PTDSS1: variants seen among roughly 807,000 people sequenced by gnomAD.
PTDSS1 encodes the protein PSS-1.
A neutral mutation model predicts 70.5 loss-of-function variants in PTDSS1; 45 were observed. The ratio of observed to expected loss-of-function variants is 0.64; its 90% CI spans 0.50 to 0.82. PTDSS1 has a LOEUF of 0.82. PTDSS1 is among the 40% of genes least tolerant of loss of function. The pLI, the probability that PTDSS1 is intolerant of heterozygous loss-of-function variation, is 0.00. For missense variants in PTDSS1, 417 were observed against 586.1 expected, an observed-to-expected ratio of 0.71 and a Z score of 2.98; for synonymous variants, 188 against 203.8, an observed-to-expected ratio of 0.92 and a Z score of 0.66.
At chr8:96,323,983 C>G (rs1811406160) in intron 10 of PTDSS1, among the ~76,000 whole-genome samples, 1 of 152,180 alleles carries the variant, frequency 6.6e-6, no homozygotes, top group Admixed American at 6.6e-5. Context: ...GAATGCTTTG[C>G]TGCTTGGCTG....
chr8:96,330,734 C>T (rs969188540), intron 11 of PTDSS1: 8 of 422,520 alleles, frequency 1.9e-5, no homozygotes, highest in Non-Finnish European at 3.0e-5. Context: ...ACACGATGGC[C>T]GTCTGGTAGA....
chr8:96,293,651 T>C (rs1158210861), intron 4 of PTDSS1, among the ~76,000 whole-genome samples: 1 of 152,252 alleles, frequency 6.6e-6, no homozygotes, highest in African/African-American at 2.4e-5. Flanking sequence ...AATAGACGGA[T>C]TGGTCTTTAT....
intron 9 of PTDSS1, among the ~76,000 whole-genome samples, chr8:96,319,349 A>G (rs965306440): frequency 1.3e-5 from 2 of 152,188 alleles, no homozygotes; most frequent in African/African-American, 4.8e-5. Flanking sequence ...CTCATGGCCA[A>G]CTATGTCAAC....
At chr8:96,320,022 C>T (rs1811352054) in intron 9 of PTDSS1, among the ~76,000 whole-genome samples, 1 of 152,092 alleles carries the variant, frequency 6.6e-6, no homozygotes, top group South Asian at 2.1e-4. Context: ...TTATGAGTCA[C>T]AATTTCGGTC....
chr8:96,302,564 A>T (rs912578818), intron 6 of PTDSS1, among the ~76,000 whole-genome samples: 2 of 145,490 alleles, frequency 1.4e-5, no homozygotes, highest in African/African-American at 5.1e-5. Context: ...TTGCACCAGG[A>T]TGTCTGCTTT....
intron 10 of PTDSS1, among the ~76,000 whole-genome samples, chr8:96,326,176 G>C (rs1258610185): frequency 6.6e-6 from 1 of 152,122 alleles, no homozygotes; most frequent in Non-Finnish European, 1.5e-5. Flanking sequence ...TTCCCACGCT[G>C]TTTTCTCTGC....
intron 8 of PTDSS1, 106 bp from the exon 9 acceptor site, chr8:96,309,451 C>A: frequency 1.1e-6 from 1 of 942,844 alleles, no homozygotes; most frequent in Non-Finnish European, 1.7e-6. Flanking sequence ...GGCAGCCTGA[C>A]ATGGGACAAG....
intron 9 of PTDSS1, among the ~76,000 whole-genome samples, chr8:96,317,420 TCAAAAG>T (rs1272062288): frequency 4.7e-4 from 12 of 25,684 alleles, no homozygotes; most frequent in African/African-American, 1.3e-3. Context: ...AGTTGCTAAC[TCAAAAG>T]CACGGTCTTC....
chr8:96,330,854 G>T, intron 11 of PTDSS1, 172 bp from the exon 12 acceptor site: 1 of 588,076 alleles, frequency 1.7e-6, no homozygotes. Context: ...CCTGTGAGAG[G>T]AAAGAACCTT....
chr8:96,275,175 T>G (rs59184330), intron 2 of PTDSS1, among the ~76,000 whole-genome samples: 15,601 of 152,112 alleles, frequency 0.1, 2,571 homozygotes, highest in African/African-American at 0.34. Context: ...GATGGAGTCT[T>G]GCTGTGTTAC....
Position 96,287,693 on chromosome 8 carries a change from A to G in PTDSS1, c.441+547A>G, listed in dbSNP as rs549741481. Among the ~76,000 whole-genome samples the G allele has an allele frequency of 1.5e-4, 23 of 151,902 alleles. No individual in the cohort carries two copies. The East Asian group carries it at 2.9e-3, about 19-fold the overall frequency. On this transcript the variant is annotated intron_variant, in intron 4 of 12. Transcript: ENST00000517309. The stretch of plus-strand genomic sequence containing the variant: ...GATCCTGCTCCACTGCTTGCCACAG[A>G]GAGGCCAGTAGTCATGAATTAGTTT...
In PTDSS1 at chr8:96,306,535, G is replaced by A; in HGVS notation, c.986G>A (p.Gly329Asp). Residue 329 changes from glycine (G) to aspartate (D), a missense_variant, in exon 8 of 13, where the codon GGC becomes GAC. By Grantham distance (94) the Gly-to-Asp change is moderately conservative. Transcript: ENST00000517309. The part of the protein sequence containing the change: ...LSWGRILFIG[G>D]ITAPTVRQYY... ...TGGGGTAGAATTCTCTTTATTGGTG[G>A]CATCACAGCTCCCACAGTGAGGTAA... The A allele has an allele frequency of 6.2e-7, 1 of 1,612,844 alleles. No homozygotes were observed. Among genetic ancestry groups the A allele is most frequent in the South Asian group, 1.1e-5 (1 of 91,054 alleles).
At position 96,304,173 on chromosome 8, in the gene PTDSS1, A is replaced by G; in HGVS notation, c.886A>G (p.Ile296Val). 6.3e-7 allele frequency: 1 copy of G among 1,599,956 alleles called. No individual in the cohort carries two copies. The highest frequency in any genetic ancestry group is 8.5e-7 in the Non-Finnish European group (1 of 1,176,662). ...AGCTGGAGTGTACCTTTTCATGATC[A>G]TCTGGCAGGTATTTTTTCAGATGCC... Reference protein sequence around the residue: ...RVAGVYLFMIIWQLTELNTFF... With the variant: ...RVAGVYLFMIVWQLTELNTFF... Residue 296 changes from isoleucine (I) to valine (V), a missense_variant, in exon 7 of 13, where the codon ATC becomes GTC. Physicochemically the swap from Ile to Val is conservative, Grantham distance 29 (BLOSUM62 3). This residue lies in a region of PTDSS1 where 272 missense variants were observed against 429.5 expected (regional missense o/e 0.63). Coordinates refer to ENST00000517309, the MANE Select transcript of PTDSS1 (RefSeq NM_014754.3).
intron 5 of PTDSS1, among the ~76,000 whole-genome samples, 180 bp from the exon 6 acceptor site, chr8:96,299,514 A>AT (rs1290266038): frequency 2.0e-5 from 3 of 152,250 alleles, no homozygotes; most frequent in Non-Finnish European, 2.9e-5. Flanking sequence ...CATCTGCAAT[A>AT]TAAAAAACAA....
intron 1 of PTDSS1, among the ~76,000 whole-genome samples, chr8:96,271,959 C>T (rs1810573254): frequency 6.6e-6 from 1 of 152,110 alleles, no homozygotes; most frequent in Non-Finnish European, 1.5e-5. Flanking sequence ...ATTTTTTACT[C>T]TCTGAACAAA....
chr8:96,314,328 T>C (rs868705296), intron 9 of PTDSS1, among the ~76,000 whole-genome samples: 11 of 152,140 alleles, frequency 7.2e-5, no homozygotes, highest in African/African-American at 2.7e-4. Context: ...ATTACAGGCA[T>C]TGGCCACGGC....
chr8:96,275,968 G>A (rs1033201470), intron 2 of PTDSS1, among the ~76,000 whole-genome samples: 4 of 152,170 alleles, frequency 2.6e-5, no homozygotes, highest in African/African-American at 4.8e-5. Flanking sequence ...CATGATACGT[G>A]CATATGTCCT....
chr8:96,326,367 G>T (rs1340402998), intron 10 of PTDSS1, among the ~76,000 whole-genome samples: 3 of 151,900 alleles, frequency 2.0e-5, no homozygotes, highest in Non-Finnish European at 4.4e-5. Flanking sequence ...AGTGGAATTT[G>T]TTTTTTTTCT....
rs551524968 is a variant in PTDSS1, at chr8:96,296,246, C to T, written c.600+990C>T. ...CTCCGCCTCCTGGGTTCACGCCATT[C>T]TCCTGCCTCAGCCTCCCGAGTAGCT... is the stretch of plus-strand genomic sequence containing the variant. On this transcript the variant is annotated intron_variant, in intron 5 of 12. Transcript: ENST00000517309. Among the ~76,000 whole-genome samples the T allele has an allele frequency of 4.3e-3, 625 of 144,316 alleles. 5 individuals carry two copies. The highest frequency in any genetic ancestry group is 0.015 in the African/African-American group (581 of 39,352). 94.7% of individuals were successfully genotyped at this position (144,316 alleles called of 152,430 possible). A position where few individuals can be genotyped will look rare whatever the true frequency, so the allele number is the denominator to read the frequency against.
Sources: allele counts gnomAD v4.1 joint callset (sites outside exome capture counted in the v4.1 genomes callset), GRCh38; gene constraint gnomAD v4.1.1; regional missense constraint gnomAD v4.1.1; transcripts MANE v1.5; gene names NCBI Gene and HGNC (gene_info 2026-07-23, HGNC 2026-07-21).